The following AXIN2 variants were observed in gnomAD, a reference collection of about 807,000 sequenced individuals.
The protein encoded by AXIN2 is axin-2.
Under a neutral mutation model 74.7 loss-of-function variants are expected in AXIN2, and 21 were observed. The observed-to-expected ratio is 0.28, with a 90% CI of 0.20 to 0.40. The LOEUF (loss-of-function observed/expected upper bound fraction) is 0.40. Ranked by LOEUF, AXIN2 falls within the 10% of genes least tolerant of loss-of-function variation. The probability of loss-of-function intolerance (pLI) is 1.00; values close to 1 mark genes in which losing one functional copy is unlikely to be tolerated. For synonymous variants in AXIN2, 532 were observed against 454.9 expected (o/e 1.17, Z -2.16); for missense variants, 1,144 against 1,111.1 (o/e 1.03, Z -0.42).
chr17:65,539,305 C>G (rs2144487884), intron 4 of AXIN2, among the ~76,000 whole-genome samples: 1 of 152,256 alleles, frequency 6.6e-6, no homozygotes, highest in African/African-American at 2.4e-5. Flanking sequence ...AGCATCTCCC[C>G]CAGCTGAAAA....
chr17:65,538,082 C>T (rs116306590), intron 5 of AXIN2, 121 bp downstream of exon 5: 75 of 1,544,410 alleles, frequency 4.9e-5, no homozygotes, highest in East Asian at 1.4e-4. Context: ...ACGCAGCCCA[C>T]GCGCATGCGC....
rs780738720 is a variant in AXIN2, at chr17:65,528,730, A to G, written c.*1246T>C. 4.0e-6 allele frequency: 2 copies of G among 504,200 alleles called. No homozygotes were observed. The highest frequency in any genetic ancestry group is 3.9e-5 in the African/African-American group (2 of 51,414). 31.2% of individuals were successfully genotyped at this position (504,200 alleles called of 1,614,324 possible). A position where few individuals can be genotyped will look rare whatever the true frequency, so the allele number is the denominator to read the frequency against. The stretch of plus-strand genomic sequence containing the variant: ...AGTACAAGACTTGTAATAAAAAGGC[A>G]TAAAATATATTTATACATAAACCCC... On this transcript the variant is annotated 3_prime_UTR_variant, in exon 11 of 11. Coordinates refer to ENST00000307078, the MANE Select transcript of AXIN2 (RefSeq NM_004655.4).
At chr17:65,537,994 A>ACATATCCACACGCATATG in intron 5 of AXIN2, 159 bp from the exon 6 acceptor site, 1 of 1,309,048 alleles carries the variant, frequency 7.6e-7, no homozygotes, top group Non-Finnish European at 1.1e-6. Context: ...CTACACAAGC[A>ACATATCCACACGCATATG]CATATCCACA....
At chr17:65,546,334 C>T (rs920013263) in intron 3 of AXIN2, among the ~76,000 whole-genome samples, 6 of 152,196 alleles carry the variant, frequency 3.9e-5, no homozygotes, top group East Asian at 1.9e-4. Flanking sequence ...CTCATCTGCA[C>T]GAGGCCTACA....
At chr17:65,542,494 T>C (rs549739550) in intron 3 of AXIN2, among the ~76,000 whole-genome samples, 1 of 152,300 alleles carries the variant, frequency 6.6e-6, no homozygotes, top group Non-Finnish European at 1.5e-5. Context: ...AAGCTGCAAA[T>C]TTAAATTGGA....
intron 4 of AXIN2, among the ~76,000 whole-genome samples, chr17:65,540,353 G>A (rs760926078): frequency 2.6e-5 from 4 of 152,158 alleles, no homozygotes; most frequent in South Asian, 2.1e-4. Flanking sequence ...GAGGTTAACA[G>A]AATAGATAAA....
chr17:65,545,663 A>G (rs575793869), intron 3 of AXIN2, among the ~76,000 whole-genome samples: 1 of 152,332 alleles, frequency 6.6e-6, no homozygotes, highest in Non-Finnish European at 1.5e-5. Context: ...TCAAAAAAAA[A>G]TTAAGCCATT....
At chr17:65,539,126 A>G (rs1007021673) in intron 4 of AXIN2, among the ~76,000 whole-genome samples, 5 of 152,186 alleles carry the variant, frequency 3.3e-5, no homozygotes, top group Non-Finnish European at 7.3e-5. Flanking sequence ...AGCAGCAAAC[A>G]GAGAGAACCC....
intron 1 of AXIN2, chr17:65,560,193 G>A (rs2144600970): frequency 6.6e-6 from 1 of 152,274 alleles, no homozygotes; most frequent in Non-Finnish European, 1.5e-5. Context: ...CAGAAATGGC[G>A]ACGCGCGGAG....
Position 65,536,591 on chromosome 17 carries a change from G to T in AXIN2, c.1908-38C>A, listed in dbSNP as rs758688328. The T allele has an allele frequency of 1.9e-6, 3 of 1,606,820 alleles. No individual in the cohort carries two copies. In the African/African-American group the frequency reaches 4.0e-5, roughly 21 times the overall value. The stretch of plus-strand genomic sequence containing the variant: ...TGAGCAGAGAGAAAACAGAAGGAAA[G>T]AAACTGGGTTAGAAGAACTGGAAAA... On this transcript the variant is annotated intron_variant, in intron 7 of 10. Transcript: ENST00000307078.
rs1030221755 is a variant in AXIN2, at chr17:65,536,239, G to A, written c.2141+81C>T. ...GGTTTGAGACCCAGGCAGAAAGAGA[G>A]GCCCTCCCCATTAGCCACAGACCAG... On this transcript the variant is annotated intron_variant, in intron 8 of 10. Transcript: ENST00000307078. The A allele has an allele frequency of 3.3e-5, 46 of 1,396,606 alleles. No individual in the cohort carries two copies. The East Asian group carries it at 6.9e-4, about 21-fold the overall frequency. The allele number at this position is 1,396,606 out of a possible 1,614,324, so 86.5% of individuals were successfully genotyped here. A position where few individuals can be genotyped will look rare whatever the true frequency, so the allele number is the denominator to read the frequency against.
chr17:65,539,055 A>G (rs1265658621), intron 4 of AXIN2, among the ~76,000 whole-genome samples: 2 of 152,118 alleles, frequency 1.3e-5, no homozygotes, highest in Non-Finnish European at 2.9e-5. Context: ...CTATCAAGGG[A>G]AAAGGGAACA....
chr17:65,550,232 A>C (rs2044171744), intron 2 of AXIN2, among the ~76,000 whole-genome samples: 1 of 152,156 alleles, frequency 6.6e-6, no homozygotes. Context: ...AGAAAAGTTC[A>C]AGACAACGTT....
At position 65,537,070 on chromosome 17, in the gene AXIN2, G is replaced by C. The variant is rs2144452509; in HGVS notation, c.1713-7C>G. 1 of 1,601,024 alleles carries C rather than the reference G, an allele frequency of 6.2e-7. No homozygotes were observed. Among genetic ancestry groups the C allele is most frequent in the Non-Finnish European group, 8.5e-7 (1 of 1,178,450 alleles). ...GGTACTGCCTCTGCTGCCGCTGTGG[G>C]GAACCAAGAACCACACCCAACCCAG... On this transcript the variant is annotated splice_region_variant and splice_polypyrimidine_tract_variant and intron_variant, in intron 6 of 10. Transcript: ENST00000307078.
chr17:65,542,307 A>G (rs2044055918), intron 3 of AXIN2, among the ~76,000 whole-genome samples: 1 of 152,250 alleles, frequency 6.6e-6, no homozygotes, highest in South Asian at 2.1e-4. Context: ...ATCTTCTCCT[A>G]GGCACTAGGC....
chr17:65,558,642 G>C lies in AXIN2; in HGVS notation c.-22C>G, dbSNP rs754501881. 1.3e-6 allele frequency: 2 copies of C among 1,598,678 alleles called. No homozygotes were observed. The highest frequency in any genetic ancestry group is 4.5e-5 in the East Asian group (2 of 44,766). On this transcript the variant is annotated 5_prime_UTR_variant, in exon 2 of 11. Transcript: ENST00000307078. ...TCATGGTGAGGGAGCTCTTCCCACT[G>C]AGTCTGGGAATTTTTCTTCTTCCAG... is the stretch of plus-strand genomic sequence containing the variant.
chr17:65,535,193 G>C (rs180715756), intron 9 of AXIN2, among the ~76,000 whole-genome samples: 26 of 152,278 alleles, frequency 1.7e-4, no homozygotes, highest in South Asian at 6.2e-4. Flanking sequence ...TTTACAAAAA[G>C]AATCACTGCC....
In AXIN2 at chr17:65,549,623, T is replaced by A; in HGVS notation, c.853A>T (p.Ile285Leu). 6.2e-7 allele frequency: 1 copy of A among 1,605,334 alleles called. No homozygotes were observed. Among genetic ancestry groups the A allele is most frequent in the African/African-American group, 1.3e-5 (1 of 74,902 alleles). Residue 285 changes from isoleucine (I) to leucine (L), a missense_variant, in exon 3 of 11, where the codon ATA becomes TTA. Transcript: ENST00000307078. The part of the protein sequence containing the change: ...KRSDPVNPYH[I>L]GSGYVFAPAT... ...GGTGCAAAGACATAGCCAGAACCTA[T>A]GTGATAAGGATTAACAGGATCGCTC...
At chr17:65,541,593 C>T (rs188574266) in intron 3 of AXIN2, 36 bp from the exon 4 acceptor site, 27 of 1,572,498 alleles carry the variant, frequency 1.7e-5, no homozygotes, top group African/African-American at 5.4e-5. Flanking sequence ...CACAGGCTTA[C>T]GAGGATGTTT....
Sources: gnomAD v4.1 joint callset for allele counts (sites outside exome capture counted in the v4.1 genomes callset) on GRCh38, gnomAD v4.1.1 for gene constraint, MANE v1.5 for transcripts, NCBI Gene and HGNC (gene_info 2026-07-23, HGNC 2026-07-21) for gene names.